The following RILPL1 variants were observed in gnomAD, a reference collection of about 807,000 sequenced individuals.
The protein encoded by RILPL1 is RILP-like protein 1.
Under a neutral mutation model 50.3 loss-of-function variants are expected in RILPL1, and 33 were observed. The observed-to-expected ratio is 0.66, with a 90% CI of 0.50 to 0.88. The LOEUF (loss-of-function observed/expected upper bound fraction) is 0.88, where lower values mean the gene tolerates loss of function less well. Among genes scored for constraint, RILPL1 ranks in the 40% least tolerant of loss-of-function variants. The probability of loss-of-function intolerance (pLI) is 0.00; values close to 1 mark genes in which losing one functional copy is unlikely to be tolerated. For synonymous variants in RILPL1, 205 were observed against 228.6 expected, an observed-to-expected ratio of 0.90 and a Z score of 0.93; for missense variants, 418 against 542.5, an observed-to-expected ratio of 0.77 and a Z score of 2.28.
In RILPL1 at chr12:123,482,858, C is replaced by G. The variant is rs574031328; in HGVS notation, c.1067+1322G>C. ...GCTCAAGTGATCCTCCCACCTCTGC[C>G]TCCCAAAATGCTGAGATTACAGGTG... On this transcript the variant is annotated intron_variant, in intron 6 of 6. Transcript: ENST00000376874. Among the ~76,000 whole-genome samples, 3 of 152,232 alleles carry G rather than the reference C, an allele frequency of 2.0e-5. No homozygotes were observed. The East Asian group carries it at 5.8e-4, about 29-fold the overall frequency.
At chr12:123,527,755 G>T (rs1364568569) in intron 1 of RILPL1, among the ~76,000 whole-genome samples, 1 of 152,186 alleles carries the variant, frequency 6.6e-6, no homozygotes, top group Non-Finnish European at 1.5e-5. Flanking sequence ...TTCGTAAGAG[G>T]AAGGCAGGTC....
At chr12:123,527,958 G>A (rs1179157152) in intron 1 of RILPL1, among the ~76,000 whole-genome samples, 1 of 152,126 alleles carries the variant, frequency 6.6e-6, no homozygotes, top group Non-Finnish European at 1.5e-5. Context: ...AGCCATTTCC[G>A]ACTTCTGACG....
At chr12:123,525,383 A>T (rs1225810056) in intron 1 of RILPL1, among the ~76,000 whole-genome samples, 1 of 134,388 alleles carries the variant, frequency 7.4e-6, no homozygotes, top group African/African-American at 2.7e-5. Context: ...TGACTGGCTA[A>T]TTTTTTTTTT....
rs1885516969 is a variant in RILPL1 at position 123,533,415 on chromosome 12, G to C, written c.68C>G (p.Thr23Ser). The change falls in exon 1 of 7, where the codon ACC (threonine) becomes AGC (serine). Residue 23 changes from threonine (T) to serine (S), a missense_variant. Physicochemically the swap from Thr to Ser is moderately conservative, Grantham distance 58. Transcript: ENST00000376874. This position sits in a 1 kb window ranked among gnomAD's most constrained non-coding sequence, Gnocchi z 6.2. The stretch of plus-strand genomic sequence containing the variant: ...CGCGATGTCGTACACGTCCATGACG[G>C]TCAGCTCGGCCACGTTCTTCTCCAG... ...SALEKNVAEL[T>S]VMDVYDIASL... 6.5e-7 allele frequency: 1 copy of C among 1,545,416 alleles called. No homozygotes were observed. Among genetic ancestry groups the C allele is most frequent in the Admixed American group, 2.0e-5 (1 of 51,066 alleles).
chr12:123,483,992 A>G (rs1882160162), intron 6 of RILPL1, among the ~76,000 whole-genome samples, 188 bp downstream of exon 6: 1 of 152,146 alleles, frequency 6.6e-6, no homozygotes, highest in East Asian at 1.9e-4. Context: ...CTCTGCCCAG[A>G]GACCCCCAGG....
intron 2 of RILPL1, among the ~76,000 whole-genome samples, chr12:123,503,186 C>CTTTTTTTTTTTTTTTTTT (rs373514624): frequency 1.2e-5 from 1 of 80,742 alleles, no homozygotes; most frequent in African/African-American, 5.6e-5. Context: ...CACGCCTGGC[C>CTTTTTTTTTTTTTTTTTT]TTTTTTTTTT....
intron 2 of RILPL1, among the ~76,000 whole-genome samples, chr12:123,510,904 TA>T: frequency 7.9e-6 from 1 of 127,140 alleles, no homozygotes. Flanking sequence ...TGTGTGTGTG[TA>T]TTGTGTGAGG....
At chr12:123,474,150 T>C (rs986401970) in intron 6 of RILPL1, 1 of 152,260 alleles carries the variant, frequency 6.6e-6, no homozygotes, top group Admixed American at 6.6e-5. Flanking sequence ...CCTCCCAAAG[T>C]GCTGGGATTA....
chr12:123,511,950 G>T (rs534863998), intron 2 of RILPL1, among the ~76,000 whole-genome samples: 2 of 129,610 alleles, frequency 1.5e-5, no homozygotes, highest in African/African-American at 6.6e-5. Flanking sequence ...TTGTGTGTGT[G>T]TGTGGTGTGA....
chr12:123,507,417 T>G (rs1275771297), intron 2 of RILPL1, among the ~76,000 whole-genome samples: 1 of 151,778 alleles, frequency 6.6e-6, no homozygotes, highest in African/African-American at 2.4e-5. Flanking sequence ...TAAAAAATAC[T>G]AACTGGGTGT....
intron 2 of RILPL1, among the ~76,000 whole-genome samples, chr12:123,511,626 G>GTGTGGT (rs1477383566): frequency 7.1e-6 from 1 of 140,090 alleles, no homozygotes; most frequent in Non-Finnish European, 1.6e-5. Flanking sequence ...GTCTGTGTGT[G>GTGTGGT]GTGTGTGAGG....
chr12:123,503,017 AGCTGGGACTACAG>A (rs1883496726), intron 2 of RILPL1, among the ~76,000 whole-genome samples: 1 of 151,050 alleles, frequency 6.6e-6, no homozygotes, highest in Non-Finnish European at 1.5e-5. Flanking sequence ...CCTCCCAAGT[AGCTGGGACTACAG>A]GTCCCCGCCA....
chr12:123,489,181 C>T lies in RILPL1; in HGVS notation c.802-3376G>A, dbSNP rs1422288616. Among the ~76,000 whole-genome samples, 1 of 152,158 alleles carries T rather than the reference C, an allele frequency of 6.6e-6. No homozygotes were observed. ...GCCTTGCTGGCCGTGGAGCTCAGCC[C>T]TGGGAACAGAGTCAGACAGATGGGG... On this transcript the variant is annotated intron_variant, in intron 4 of 6. Transcript: ENST00000376874. This position sits in a 1 kb window ranked among gnomAD's most constrained non-coding sequence, Gnocchi z 4.0.
chr12:123,521,558 TATATTAATATATATACACAC>T, intron 2 of RILPL1, among the ~76,000 whole-genome samples: 1 of 56,358 alleles, frequency 1.8e-5, no homozygotes, highest in Non-Finnish European at 3.5e-5. Context: ...TGTGTGTATA[TATATTAATATATATACACAC>T]ATATGTGTAT....
intron 4 of RILPL1, among the ~76,000 whole-genome samples, chr12:123,492,415 C>T (rs2139328895): frequency 6.6e-6 from 1 of 152,168 alleles, no homozygotes; most frequent in South Asian, 2.1e-4. Flanking sequence ...TGCTGGTGGC[C>T]AGGGGCTGGG....
At chr12:123,482,787 G>C (rs757283551) in intron 6 of RILPL1, among the ~76,000 whole-genome samples, 11 of 151,748 alleles carry the variant, frequency 7.2e-5, no homozygotes, top group South Asian at 2.1e-4. Context: ...ATTTTTTGTA[G>C]AGAGGTGGTT....
chr12:123,480,938 C>CA (rs1449776076), intron 6 of RILPL1, among the ~76,000 whole-genome samples: 2 of 152,128 alleles, frequency 1.3e-5, no homozygotes, highest in Admixed American at 6.5e-5. Flanking sequence ...CCCGGACGAT[C>CA]AATGTGCTGT....
intron 2 of RILPL1, among the ~76,000 whole-genome samples, chr12:123,502,929 C>T (rs974667242): frequency 6.6e-6 from 1 of 152,018 alleles, no homozygotes; most frequent in Non-Finnish European, 1.5e-5. Flanking sequence ...ACTGTGTCAC[C>T]CAGGCTGGAG....
chr12:123,504,582 GAAC>G (rs1225015807), intron 2 of RILPL1, among the ~76,000 whole-genome samples: 2 of 152,084 alleles, frequency 1.3e-5, no homozygotes, highest in African/African-American at 4.8e-5. Context: ...GCTGGCCAGT[GAAC>G]GGGAACTGGT....
Sources: gnomAD v4.1 joint callset for allele counts (sites outside exome capture counted in the v4.1 genomes callset) on GRCh38, gnomAD v4.1.1 for gene constraint, Gnocchi (gnomAD v3.1) non-coding constraint, MANE v1.5 for transcripts, NCBI Gene and HGNC (gene_info 2026-07-23, HGNC 2026-07-21) for gene names.